Variants in ANO2 observed in about 807,000 individuals in gnomAD.
ANO2 encodes anoctamin 2, also known as anoctamin-2.
In ANO2, 101 loss-of-function variants were observed where a neutral mutation model predicts 124.2. The ratio of observed to expected loss-of-function variants is 0.81; its 90% CI spans 0.69 to 0.96. The LOEUF is 0.96. Among genes scored for constraint, ANO2 ranks in the 40% least tolerant of loss-of-function variants. ANO2 has a pLI of 0.00. For synonymous variants in ANO2, 486 were observed against 482.5 expected (o/e 1.01, Z -0.09); for missense variants, 1,293 against 1,274.5 (o/e 1.01, Z -0.22).
At chr12:5,826,804 T>C (rs1953971112) in intron 7 of ANO2, among the ~76,000 whole-genome samples, 1 of 152,112 alleles carries the variant, frequency 6.6e-6, no homozygotes, top group Non-Finnish European at 1.5e-5. Context: ...AAATATTAGC[T>C]AGCTAACATC....
At chr12:5,638,231 C>CT (rs200195314) in intron 15 of ANO2, among the ~76,000 whole-genome samples, 1,284 of 103,402 alleles carry the variant, frequency 0.012, 82 homozygotes, top group African/African-American at 0.036. Flanking sequence ...AGCACTGTTT[C>CT]TTTTCCTTTT....
At chr12:5,818,469 A>G (rs1325564505) in intron 7 of ANO2, among the ~76,000 whole-genome samples, 2 of 82,428 alleles carry the variant, frequency 2.4e-5, no homozygotes, top group African/African-American at 8.2e-5. Flanking sequence ...ATATATATAT[A>G]TATATATATA....
intron 3 of ANO2, among the ~76,000 whole-genome samples, chr12:5,882,738 A>G (rs975314420): frequency 9.2e-5 from 14 of 152,190 alleles, no homozygotes; most frequent in Non-Finnish European, 2.1e-4. Context: ...CACATCCCCA[A>G]ACAGAGCTGC....
At position 5,658,202 on chromosome 12, in the gene ANO2, C is replaced by T. The variant is rs1947258019; in HGVS notation, c.1546-10401G>A. Among the ~76,000 whole-genome samples, 1 of 152,168 alleles carries T rather than the reference C, an allele frequency of 6.6e-6. No homozygotes were observed. Among genetic ancestry groups the T allele is most frequent in the South Asian group, 2.1e-4 (1 of 4,826 alleles). Reference sequence around the variant, plus strand: ...TGCACGCTAATTGAACGTGTGACTTCAGGCATGTTACCAACTTCTCTATAC... The same window carrying T: ...TGCACGCTAATTGAACGTGTGACTTTAGGCATGTTACCAACTTCTCTATAC... On this transcript the variant is annotated intron_variant, in intron 14 of 24. Transcript: ENST00000682330. The surrounding 1 kb of genome is among the most constrained non-coding windows in gnomAD (Gnocchi z 4.3).
intron 3 of ANO2, among the ~76,000 whole-genome samples, chr12:5,905,456 T>A (rs1940608277): frequency 6.6e-6 from 1 of 152,056 alleles, no homozygotes; most frequent in South Asian, 2.1e-4. Context: ...AAAGCAGAAG[T>A]ACAGGGATCA....
intron 3 of ANO2, among the ~76,000 whole-genome samples, chr12:5,883,410 A>G (rs1938645139): frequency 6.6e-6 from 1 of 152,166 alleles, no homozygotes; most frequent in Non-Finnish European, 1.5e-5. Flanking sequence ...CATCCTGAGT[A>G]AACTTCTCTT....
intron 14 of ANO2, among the ~76,000 whole-genome samples, chr12:5,662,744 C>T (rs141840289): frequency 8.5e-5 from 13 of 152,280 alleles, no homozygotes; most frequent in East Asian, 3.9e-4. Flanking sequence ...TCCCCTAGCA[C>T]GCAATGTTTG....
chr12:5,791,627 G>A (rs573956229), intron 10 of ANO2, among the ~76,000 whole-genome samples: 1 of 152,308 alleles, frequency 6.6e-6, no homozygotes, highest in African/African-American at 2.4e-5. Flanking sequence ...TCTAGAGTTA[G>A]ACAGGCCTGG....
chr12:5,923,128 CCACATA>C (rs1941843709), intron 1 of ANO2, among the ~76,000 whole-genome samples: 1 of 23,418 alleles, frequency 4.3e-5, no homozygotes, highest in African/African-American at 9.5e-5. Flanking sequence ...GCACACACAC[CCACATA>C]CACACACATG....
In ANO2 at chr12:5,574,849, G is replaced by A. The variant is rs113547823; in HGVS notation, c.2621+985C>T. ...CCTATTGCATCACATTCTAATTCCC[G>A]TTAGATTTCAGGACTTCCCATTATG... is the stretch of plus-strand genomic sequence containing the variant. On this transcript the variant is annotated intron_variant, in intron 23 of 24. Transcript: ENST00000682330. 1.1e-4 allele frequency among the ~76,000 whole-genome samples: 17 copies of A among 152,190 alleles called. 1 individual carries two copies. The highest frequency in any genetic ancestry group is 3.6e-4 in the African/African-American group (15 of 41,514).
chr12:5,794,267 T>A (rs553863852), intron 10 of ANO2, among the ~76,000 whole-genome samples: 1 of 152,286 alleles, frequency 6.6e-6, no homozygotes, highest in Admixed American at 6.5e-5. Context: ...CTTCCCTTCA[T>A]GCATCCAGCC....
intron 14 of ANO2, among the ~76,000 whole-genome samples, chr12:5,655,004 C>T (rs1255149146): frequency 1.3e-5 from 2 of 152,170 alleles, no homozygotes; most frequent in East Asian, 1.9e-4. Context: ...GGTGTGCCCC[C>T]GTTGCTGCCT....
At chr12:5,801,162 G>C (rs1192263013) in intron 9 of ANO2, among the ~76,000 whole-genome samples, 2 of 152,206 alleles carry the variant, frequency 1.3e-5, no homozygotes, top group Admixed American at 6.5e-5. Flanking sequence ...ACCTTGACAA[G>C]AGTGGCTCCA....
intron 10 of ANO2, among the ~76,000 whole-genome samples, chr12:5,772,244 A>G (rs997083856): frequency 2.0e-5 from 3 of 152,246 alleles, no homozygotes; most frequent in African/African-American, 7.2e-5. Context: ...GATGAAAAGT[A>G]TCACATGACA....
At chr12:5,827,096 T>C (rs1454043213) in intron 7 of ANO2, among the ~76,000 whole-genome samples, 4 of 152,232 alleles carry the variant, frequency 2.6e-5, no homozygotes, top group Non-Finnish European at 4.4e-5. Context: ...CATGGGGTTA[T>C]GGGCACAGCT....
chr12:5,624,929 G>T (rs973928957), intron 16 of ANO2, among the ~76,000 whole-genome samples: 1 of 152,180 alleles, frequency 6.6e-6, no homozygotes, highest in Non-Finnish European at 1.5e-5. Flanking sequence ...AGGGGCTGGG[G>T]AGAGCTCTAG....
At chr12:5,681,085 A>G (rs532265466) in intron 14 of ANO2, among the ~76,000 whole-genome samples, 3 of 152,310 alleles carry the variant, frequency 2.0e-5, no homozygotes, top group African/African-American at 7.2e-5. Context: ...TTCCTGCCAC[A>G]CAACCTGCAC....
At chr12:5,854,654 G>C (rs188496420) in intron 3 of ANO2, among the ~76,000 whole-genome samples, 42 of 152,258 alleles carry the variant, frequency 2.8e-4, no homozygotes, top group Non-Finnish European at 5.3e-4. Flanking sequence ...CTAGAGCCTA[G>C]AAGTAATACT....
At chr12:5,845,029 T>C (rs930302244) in intron 4 of ANO2, among the ~76,000 whole-genome samples, 3 of 151,442 alleles carry the variant, frequency 2.0e-5, no homozygotes, top group African/African-American at 4.8e-5. Flanking sequence ...CCCAGCACTT[T>C]GGGAGGCAGA....
Sources: allele counts gnomAD v4.1 joint callset (sites outside exome capture counted in the v4.1 genomes callset), GRCh38; gene constraint gnomAD v4.1.1; non-coding constraint Gnocchi (gnomAD v3.1); transcripts MANE v1.5; gene names NCBI Gene and HGNC (gene_info 2026-07-23, HGNC 2026-07-21).